Variants in SMOC2 observed in about 807,000 individuals in gnomAD.
The protein encoded by SMOC2 is SPARC-related modular calcium-binding protein 2.
SMOC2 carries 39 observed loss-of-function variants against 61.4 expected under a neutral mutation model. The observed-to-expected ratio is 0.64, with a 90% confidence interval of 0.49 to 0.83. The LOEUF (loss-of-function observed/expected upper bound fraction) is 0.83. Ranked by LOEUF, SMOC2 falls within the 40% of genes least tolerant of loss-of-function variation. SMOC2 has a pLI of 0.00. For missense variants in SMOC2, 556 were observed against 592.9 expected, an observed-to-expected ratio of 0.94 and a Z score of 0.65; for synonymous variants, 247 against 239.9, an observed-to-expected ratio of 1.03 and a Z score of -0.27.
At position 168,498,077 on chromosome 6, in the gene SMOC2, G is replaced by A. The variant is rs377019229; in HGVS notation, c.85-11838G>A. On this transcript the variant is annotated intron_variant, in intron 1 of 12. Coordinates refer to ENST00000356284, the MANE Select transcript of SMOC2 (RefSeq NM_001166412.2). ...TGGGAGACAGGTGATCTGTGGAGCT[G>A]CCTCTCGGACATATTGTTTCCAGCA... is the stretch of plus-strand genomic sequence containing the variant. Among the ~76,000 whole-genome samples, 411 of 152,242 alleles carry A rather than the reference G, an allele frequency of 2.7e-3. 4 individuals carry two copies. The highest frequency in any genetic ancestry group is 9.2e-3 in the African/African-American group (384 of 41,524).
chr6:168,559,856 A>G (rs1400829864), intron 7 of SMOC2, among the ~76,000 whole-genome samples: 1 of 152,224 alleles, frequency 6.6e-6, no homozygotes, highest in Non-Finnish European at 1.5e-5. Context: ...AATTAATGAA[A>G]TCATCTTTCT....
At chr6:168,518,076 C>T (rs1261413082) in intron 2 of SMOC2, among the ~76,000 whole-genome samples, 1 of 152,356 alleles carries the variant, frequency 6.6e-6, no homozygotes, top group East Asian at 1.9e-4. Flanking sequence ...TAGAAACAGG[C>T]CAGAGAGCTC....
chr6:168,482,484 A>G (rs370074964), intron 1 of SMOC2, among the ~76,000 whole-genome samples: 1 of 152,074 alleles, frequency 6.6e-6, no homozygotes. Flanking sequence ...AATTCTACCA[A>G]ACTTTAAGAA....
At chr6:168,609,191 C>A (rs915680860) in intron 9 of SMOC2, among the ~76,000 whole-genome samples, 1 of 152,202 alleles carries the variant, frequency 6.6e-6, no homozygotes, top group African/African-American at 2.4e-5. Flanking sequence ...GTTCCGGGGA[C>A]ACACAGCACA....
rs188011597 is a variant in SMOC2 at position 168,581,272 on chromosome 6, C to T, written c.638-17546C>T. Among the ~76,000 whole-genome samples the T allele has an allele frequency of 2.8e-3, 426 of 152,122 alleles. 3 individuals carry two copies. The highest frequency in any genetic ancestry group is 2.7e-3 in the Non-Finnish European group (183 of 68,006). ...GAGAACCACGAAATTTCCATGACTG[C>T]TGAAGACAACATGCGTAAAAATTAA... is the stretch of plus-strand genomic sequence containing the variant. On this transcript the variant is annotated intron_variant, in intron 7 of 12. Coordinates refer to ENST00000356284, the MANE Select transcript of SMOC2 (RefSeq NM_001166412.2).
chr6:168,476,626 A>G (rs1420971861), intron 1 of SMOC2, among the ~76,000 whole-genome samples: 2 of 152,102 alleles, frequency 1.3e-5, no homozygotes, highest in Non-Finnish European at 2.9e-5. Flanking sequence ...GTACTTTAAT[A>G]TATATAGATG....
At chr6:168,648,478 T>C (rs185748130) in intron 9 of SMOC2, among the ~76,000 whole-genome samples, 4 of 152,324 alleles carry the variant, frequency 2.6e-5, no homozygotes, top group Admixed American at 2.6e-4. Flanking sequence ...CAGCCTTCTG[T>C]AGACCGGGAG....
chr6:168,659,363 C>T (rs978998657), intron 11 of SMOC2, among the ~76,000 whole-genome samples: 2 of 151,098 alleles, frequency 1.3e-5, no homozygotes, highest in African/African-American at 2.4e-5. Flanking sequence ...AGGGACTGGC[C>T]CTGAGCCCTC....
chr6:168,609,680 A>G (rs1785803591), intron 9 of SMOC2, among the ~76,000 whole-genome samples: 1 of 152,020 alleles, frequency 6.6e-6, no homozygotes, highest in Non-Finnish European at 1.5e-5. Flanking sequence ...AGACATAATG[A>G]GCTTCTCACA....
chr6:168,582,545 G>A lies in SMOC2; in HGVS notation c.638-16273G>A, dbSNP rs781194320. On this transcript the variant is annotated intron_variant, in intron 7 of 12. Coordinates refer to ENST00000356284, the MANE Select transcript of SMOC2 (RefSeq NM_001166412.2). ...ATGCAGGCTGGGGTGGGGCAGAGCC[G>A]GAGAGAGTAAGCAGGAAACCAGACA... Among the ~76,000 whole-genome samples, 40 of 152,286 alleles carry A rather than the reference G, an allele frequency of 2.6e-4. 1 individual carries two copies. The highest frequency in any genetic ancestry group is 1.4e-3 in the Admixed American group (22 of 15,300).
chr6:168,516,212 G>C (rs1212399025), intron 2 of SMOC2, among the ~76,000 whole-genome samples: 1 of 152,172 alleles, frequency 6.6e-6, no homozygotes, highest in Non-Finnish European at 1.5e-5. Flanking sequence ...ACCTTGAATA[G>C]AACTGCGGTA....
intron 1 of SMOC2, among the ~76,000 whole-genome samples, chr6:168,443,619 G>A (rs1196993476): frequency 3.3e-5 from 5 of 152,234 alleles, no homozygotes; most frequent in Non-Finnish European, 1.5e-5. Flanking sequence ...AACTGAGGCA[G>A]GCCTGAAATC....
chr6:168,639,216 A>G (rs1257378709), intron 9 of SMOC2, among the ~76,000 whole-genome samples: 1 of 152,178 alleles, frequency 6.6e-6, no homozygotes, highest in Admixed American at 6.5e-5. Flanking sequence ...GCATGTGTAG[A>G]TGTAAAGAAA....
At chr6:168,462,959 A>G (rs1456078839) in intron 1 of SMOC2, among the ~76,000 whole-genome samples, 2 of 152,130 alleles carry the variant, frequency 1.3e-5, no homozygotes, top group Admixed American at 6.5e-5. Flanking sequence ...ACCTCTATAA[A>G]TGTTGGTAAT....
intron 4 of SMOC2, among the ~76,000 whole-genome samples, chr6:168,531,532 A>C (rs184819808): frequency 1.3e-5 from 2 of 152,238 alleles, no homozygotes; most frequent in Admixed American, 6.5e-5. Context: ...CCTGAGCCTG[A>C]GGGAGGGCTG....
At chr6:168,637,954 G>A (rs559833217) in intron 9 of SMOC2, among the ~76,000 whole-genome samples, 1 of 151,810 alleles carries the variant, frequency 6.6e-6, no homozygotes, top group Non-Finnish European at 1.5e-5. Context: ...GATGCTGAGC[G>A]GGAGCCAGGC....
intron 1 of SMOC2, among the ~76,000 whole-genome samples, chr6:168,451,373 G>GGCTA (rs1343321477): frequency 2.6e-5 from 4 of 152,194 alleles, no homozygotes; most frequent in Non-Finnish European, 5.9e-5. Context: ...CACATGCGAA[G>GGCTA]GCTATTTTCT....
intron 7 of SMOC2, among the ~76,000 whole-genome samples, chr6:168,598,517 C>T (rs1374726111): frequency 6.6e-6 from 1 of 152,198 alleles, no homozygotes; most frequent in African/African-American, 2.4e-5. Context: ...TCCTGGATCC[C>T]CTCTCCCAGG....
intron 12 of SMOC2, 191 bp downstream of exon 12, chr6:168,664,302 A>G (rs1787597158): frequency 1.6e-6 from 1 of 640,764 alleles, no homozygotes; most frequent in South Asian, 1.7e-5. Flanking sequence ...TCTATCCGAA[A>G]TCACCAACTT....
Sources: allele counts gnomAD v4.1 joint callset (sites outside exome capture counted in the v4.1 genomes callset), GRCh38; gene constraint gnomAD v4.1.1; transcripts MANE v1.5; gene names NCBI Gene and HGNC (gene_info 2026-07-23, HGNC 2026-07-21).